The following DST variants were observed in gnomAD, a reference collection of about 807,000 sequenced individuals.
The protein encoded by DST is bullous pemphigoid antigen.
A neutral mutation model predicts 875.2 loss-of-function variants in DST; 253 were observed. The ratio of observed to expected loss-of-function variants is 0.29; its 90% confidence interval spans 0.26 to 0.32. The LOEUF (loss-of-function observed/expected upper bound fraction) is 0.32, where lower values mean the gene tolerates loss of function less well. DST is among the 10% of genes least tolerant of loss of function. The probability of loss-of-function intolerance (pLI) is 1.00; values close to 1 mark genes in which losing one functional copy is unlikely to be tolerated. For missense variants in DST, 8,287 were observed against 9,111.6 expected, an observed-to-expected ratio of 0.91 and a Z score of 3.68; for synonymous variants, 3,124 against 3,197.1, an observed-to-expected ratio of 0.98 and a Z score of 0.77.
At chr6:56,517,110 T>C (rs2152489606) in intron 71 of DST, 88 bp downstream of exon 71, 1 of 927,510 alleles carries the variant, frequency 1.1e-6, no homozygotes, top group African/African-American at 1.7e-5. Flanking sequence ...CAGCTGTGGA[T>C]AACGGAGAAG....
At chr6:56,611,220 G>C (rs2098541542) in intron 38 of DST, among the ~76,000 whole-genome samples, 1 of 152,072 alleles carries the variant, frequency 6.6e-6, no homozygotes, top group Non-Finnish European at 1.5e-5. Flanking sequence ...TTTAAGACTT[G>C]ACTCGGAGTC....
intron 2 of DST, among the ~76,000 whole-genome samples, chr6:56,904,481 A>G (rs960966996): frequency 4.6e-5 from 7 of 152,232 alleles, no homozygotes; most frequent in African/African-American, 1.7e-4. Flanking sequence ...AATCCACATT[A>G]CGTACTCAGA....
At chr6:56,546,216 G>A (rs930933676) in intron 61 of DST, among the ~76,000 whole-genome samples, 1 of 150,928 alleles carries the variant, frequency 6.6e-6, no homozygotes, top group African/African-American at 2.4e-5. Context: ...CTTCCTGTAA[G>A]TTACTACAAT....
chr6:56,929,084 G>C (rs1425590302), intron 2 of DST, among the ~76,000 whole-genome samples: 1 of 151,944 alleles, frequency 6.6e-6, no homozygotes, highest in Non-Finnish European at 1.5e-5. Flanking sequence ...ACAACTAAAA[G>C]AGTATACCAA....
chr6:56,784,085 G>A (rs148268499), intron 4 of DST, among the ~76,000 whole-genome samples: 5,043 of 152,168 alleles, frequency 0.033, 98 homozygotes, highest in South Asian at 0.083. Context: ...AGTTTCTGCC[G>A]AGAGATCTGC....
chr6:56,660,794 TAAC>T (rs1028147926), intron 10 of DST, among the ~76,000 whole-genome samples: 3 of 151,266 alleles, frequency 2.0e-5, no homozygotes, highest in Non-Finnish European at 1.5e-5. Context: ...GACTCTCCAT[TAAC>T]AACAAGGTAG....
chr6:56,487,424 A>G (rs1582885589), intron 86 of DST, among the ~76,000 whole-genome samples, 151 bp from the exon 87 acceptor site: 1 of 152,166 alleles, frequency 6.6e-6, no homozygotes, highest in African/African-American at 2.4e-5. Flanking sequence ...TGACTTTACC[A>G]TGGTACGAAA....
chr6:56,499,556 G>A (rs1159298056), intron 80 of DST, among the ~76,000 whole-genome samples: 1 of 152,062 alleles, frequency 6.6e-6, no homozygotes, highest in African/African-American at 2.4e-5. Flanking sequence ...GGAAAGGAAC[G>A]GAAACATTCG....
chr6:56,494,550 G>A (rs1380525097), intron 82 of DST, among the ~76,000 whole-genome samples: 2 of 152,024 alleles, frequency 1.3e-5, no homozygotes, highest in African/African-American at 4.8e-5. Flanking sequence ...AAAATGAGAG[G>A]CTCTCGTAGA....
chr6:56,954,600 G>T lies in DST; in HGVS notation c.-13C>A, dbSNP rs1371358288. On this transcript the variant is annotated 5_prime_UTR_variant, in exon 1 of 104. Transcript: ENST00000680361. ...CCGCGGCGATCATGGTGCGGGCGAG[G>T]CGAGGGCGACTCGACGGCGGGGCTG... The T allele has an allele frequency of 2.2e-6, 3 of 1,335,576 alleles. No homozygotes were observed. Among genetic ancestry groups the T allele is most frequent in the Non-Finnish European group, 3.0e-6 (3 of 1,006,330 alleles). 82.7% of individuals were successfully genotyped at this position (1,335,576 alleles called of 1,614,324 possible). A position where few individuals can be genotyped will look rare whatever the true frequency, so the allele number is the denominator to read the frequency against.
At chr6:56,949,509 T>C (rs1273893283) in intron 2 of DST, among the ~76,000 whole-genome samples, 1 of 152,202 alleles carries the variant, frequency 6.6e-6, no homozygotes, top group Non-Finnish European at 1.5e-5. Flanking sequence ...AGCACTGACA[T>C]TGGGAGTGAC....
chr6:56,544,359 G>A (rs2097187814), intron 61 of DST, among the ~76,000 whole-genome samples: 1 of 152,076 alleles, frequency 6.6e-6, no homozygotes, highest in Admixed American at 6.6e-5. Context: ...ATAAAGAATG[G>A]CTCTAATTCA....
At position 56,692,242 on chromosome 6, in the gene DST, G is replaced by A. The variant is rs1011671798; in HGVS notation, c.1047+7411C>T. The A allele has an allele frequency of 2.5e-5, 9 of 361,748 alleles. No homozygotes were observed. In the Admixed American group the frequency reaches 2.7e-4, roughly 11 times the overall value. 22.4% of individuals were successfully genotyped at this position (361,748 alleles called of 1,614,324 possible). Reference sequence around the variant, plus strand: ...ATAAAATCATAACAATCAAACCTGAGGCTACTAACAAAACGCAACAGAAAC... The same window carrying A: ...ATAAAATCATAACAATCAAACCTGAAGCTACTAACAAAACGCAACAGAAAC... On this transcript the variant is annotated intron_variant, in intron 9 of 103. Coordinates refer to ENST00000680361, the MANE Select transcript of DST (RefSeq NM_001374736.1).
chr6:56,837,786 C>T (rs972928792), intron 4 of DST, among the ~76,000 whole-genome samples: 1 of 152,056 alleles, frequency 6.6e-6, no homozygotes, highest in Non-Finnish European at 1.5e-5. Flanking sequence ...TTTTCACCTT[C>T]TCACAGGGTG....
chr6:56,871,175 G>C (rs1182304951), intron 3 of DST: 1 of 729,184 alleles, frequency 1.4e-6, no homozygotes, highest in African/African-American at 1.7e-5. Flanking sequence ...TAAGTGGCCT[G>C]AGGTAGTCTG....
intron 90 of DST, 144 bp downstream of exon 90, chr6:56,481,906 A>G: frequency 2.3e-6 from 2 of 869,822 alleles, no homozygotes; most frequent in South Asian, 3.4e-5. Flanking sequence ...CAATGTGGAC[A>G]GAAGTACACT....
intron 43 of DST, 92 bp downstream of exon 43, chr6:56,602,790 A>G (rs1380956393): frequency 2.1e-6 from 2 of 958,848 alleles, no homozygotes; most frequent in Non-Finnish European, 2.9e-6. Context: ...AATCCTTTGT[A>G]GCCTTAGCAA....
At chr6:56,491,850 G>C (rs558315518) in intron 85 of DST, among the ~76,000 whole-genome samples, 18 of 152,190 alleles carry the variant, frequency 1.2e-4, no homozygotes, top group African/African-American at 3.6e-4. Flanking sequence ...ACAAAAGGTA[G>C]CAATACAATG....
chr6:56,505,318 G>A (rs992292332), intron 77 of DST, among the ~76,000 whole-genome samples: 5 of 152,060 alleles, frequency 3.3e-5, no homozygotes, highest in South Asian at 2.1e-4. Flanking sequence ...GGTGGCTTGC[G>A]TGTGACCTCC....
Sources: allele counts gnomAD v4.1 joint callset (sites outside exome capture counted in the v4.1 genomes callset), GRCh38; gene constraint gnomAD v4.1.1; transcripts MANE v1.5; gene names NCBI Gene and HGNC (gene_info 2026-07-23, HGNC 2026-07-21).